Variants in RAP1GDS1 observed in about 807,000 individuals in gnomAD.
The protein encoded by RAP1GDS1 is RAP1, GTP-GDP dissociation stimulator 1.
A neutral mutation model predicts 71.1 loss-of-function variants in RAP1GDS1; 35 were observed. The ratio of observed to expected loss-of-function variants is 0.49; its 90% CI spans 0.38 to 0.65. RAP1GDS1 has a LOEUF of 0.65. Ranked by LOEUF, RAP1GDS1 falls within the 30% of genes least tolerant of loss-of-function variation. The pLI, the probability that RAP1GDS1 is intolerant of heterozygous loss-of-function variation, is 0.00. For synonymous variants in RAP1GDS1, 229 were observed against 243.1 expected, an observed-to-expected ratio of 0.94 and a Z score of 0.54; for missense variants, 663 against 706.1, an observed-to-expected ratio of 0.94 and a Z score of 0.69.
intron 4 of RAP1GDS1, among the ~76,000 whole-genome samples, chr4:98,376,623 G>T (rs980214018): frequency 4.0e-5 from 6 of 151,844 alleles, no homozygotes; most frequent in Non-Finnish European, 8.8e-5. Flanking sequence ...GTGTTTCTCA[G>T]GCTGACTTGT....
intron 2 of RAP1GDS1, among the ~76,000 whole-genome samples, chr4:98,336,019 G>C (rs986955574): frequency 1.3e-5 from 2 of 152,250 alleles, no homozygotes; most frequent in Non-Finnish European, 2.9e-5. Context: ...AAATCTTGCA[G>C]ATGCTAAATC....
At chr4:98,354,699 T>C (rs924357417) in intron 4 of RAP1GDS1, among the ~76,000 whole-genome samples, 3 of 152,192 alleles carry the variant, frequency 2.0e-5, no homozygotes, top group African/African-American at 7.2e-5. Flanking sequence ...GGATATCCTT[T>C]AAGTTATGAA....
At chr4:98,429,269 A>G (rs571046278) in intron 12 of RAP1GDS1, among the ~76,000 whole-genome samples, 159 of 151,878 alleles carry the variant, frequency 1.0e-3, no homozygotes, top group African/African-American at 2.5e-3. Context: ...AAAAAAAAAA[A>G]AAAAGAAAAG....
At chr4:98,422,353 G>A (rs1188382796) in intron 12 of RAP1GDS1, among the ~76,000 whole-genome samples, 1 of 152,044 alleles carries the variant, frequency 6.6e-6, no homozygotes, top group Non-Finnish European at 1.5e-5. Context: ...GAGTAGCTGG[G>A]ATTACAGGCA....
At chr4:98,314,726 C>T (rs1383566679) in intron 2 of RAP1GDS1, among the ~76,000 whole-genome samples, 2 of 152,036 alleles carry the variant, frequency 1.3e-5, no homozygotes, top group Non-Finnish European at 2.9e-5. Context: ...AGTTTTAATA[C>T]AGTATAATAT....
intron 4 of RAP1GDS1, among the ~76,000 whole-genome samples, chr4:98,362,307 G>A (rs1007932187): frequency 3.3e-5 from 5 of 152,012 alleles, no homozygotes; most frequent in Admixed American, 1.3e-4. Flanking sequence ...TAGCAAGATC[G>A]CATCTCTACA....
chr4:98,323,279 A>G lies in RAP1GDS1; in HGVS notation c.113-19860A>G, dbSNP rs957234154. 6.3e-4 allele frequency among the ~76,000 whole-genome samples: 93 copies of G among 147,640 alleles called. No individual in the cohort carries two copies. The Middle Eastern group carries it at 0.01, about 16-fold the overall frequency. On this transcript the variant is annotated intron_variant, in intron 2 of 14. Coordinates refer to ENST00000408927, the MANE Select transcript of RAP1GDS1 (RefSeq NM_001100427.2). The stretch of plus-strand genomic sequence containing the variant: ...AGGAGCTGAAATTGTGGCAATAATC[A>G]ATAGTTTACCAACCAAAAAGAGTCC...
chr4:98,352,463 C>T lies in RAP1GDS1; in HGVS notation c.236-13C>T, dbSNP rs1291409511. The T allele has an allele frequency of 6.2e-7, 1 of 1,610,214 alleles. No individual in the cohort carries two copies. The highest frequency in any genetic ancestry group is 2.2e-5 in the East Asian group (1 of 44,830). On this transcript the variant is annotated splice_polypyrimidine_tract_variant and intron_variant, in intron 3 of 14. Transcript: ENST00000408927. ...TCGTTAGATTTTTAATTAAACATGT[C>T]TCTTATTTTCAGAGTTTATGCGAAT...
At chr4:98,355,207 T>C (rs1251192928) in intron 4 of RAP1GDS1, among the ~76,000 whole-genome samples, 3 of 152,188 alleles carry the variant, frequency 2.0e-5, no homozygotes, top group African/African-American at 7.2e-5. Context: ...CTATTTTAAT[T>C]CATCAACCTT....
At chr4:98,264,141 C>T (rs918061482) in intron 1 of RAP1GDS1, among the ~76,000 whole-genome samples, 4 of 152,012 alleles carry the variant, frequency 2.6e-5, no homozygotes, top group East Asian at 3.9e-4. Flanking sequence ...CAGCCGGGCG[C>T]GCACTTTGGG....
chr4:98,385,415 G>A (rs1185409249), intron 5 of RAP1GDS1, among the ~76,000 whole-genome samples: 2 of 151,650 alleles, frequency 1.3e-5, no homozygotes, highest in Non-Finnish European at 3.0e-5. Context: ...AGTAAGCATT[G>A]AGCTGTTTGG....
chr4:98,352,437 A>G (rs769102977), intron 3 of RAP1GDS1, 39 bp from the exon 4 acceptor site: 9 of 1,597,780 alleles, frequency 5.6e-6, no homozygotes, highest in Non-Finnish European at 7.7e-6. Context: ...TAAATTGTGA[A>G]TCGTTAGATT....
chr4:98,402,880 A>C (rs1188590060), intron 6 of RAP1GDS1, among the ~76,000 whole-genome samples: 1 of 152,216 alleles, frequency 6.6e-6, no homozygotes, highest in Non-Finnish European at 1.5e-5. Context: ...CTTATAGTTT[A>C]GTGTGTAAGA....
intron 2 of RAP1GDS1, among the ~76,000 whole-genome samples, chr4:98,294,529 C>G (rs1312760990): frequency 6.6e-6 from 1 of 151,802 alleles, no homozygotes; most frequent in Non-Finnish European, 1.5e-5. Context: ...AGATTTGAAA[C>G]AAGGAGTTCA....
intron 2 of RAP1GDS1, among the ~76,000 whole-genome samples, chr4:98,311,855 T>C (rs142265792): frequency 1.2e-3 from 180 of 152,328 alleles, no homozygotes; most frequent in African/African-American, 3.9e-3. Flanking sequence ...TCCAGGCTGG[T>C]CTCAAACTTC....
At chr4:98,434,240 C>CT (rs1750845367) in intron 13 of RAP1GDS1, among the ~76,000 whole-genome samples, 178 bp downstream of exon 13, 1 of 152,136 alleles carries the variant, frequency 6.6e-6, no homozygotes, top group African/African-American at 2.4e-5. Flanking sequence ...TCCCCTTTGG[C>CT]TGTGTTTTTG....
chr4:98,296,228 C>T (rs912880971), intron 2 of RAP1GDS1, among the ~76,000 whole-genome samples: 1 of 152,042 alleles, frequency 6.6e-6, no homozygotes, highest in African/African-American at 2.4e-5. Flanking sequence ...TTTTATTTTA[C>T]AGTCTATTAC....
intron 1 of RAP1GDS1, among the ~76,000 whole-genome samples, chr4:98,281,404 C>G (rs942231576): frequency 6.6e-6 from 1 of 151,966 alleles, no homozygotes; most frequent in African/African-American, 2.4e-5. Flanking sequence ...CATGATTTGG[C>G]TGTTTGTCTG....
chr4:98,265,879 C>G (rs996412862), intron 1 of RAP1GDS1, among the ~76,000 whole-genome samples: 1 of 151,886 alleles, frequency 6.6e-6, no homozygotes, highest in Non-Finnish European at 1.5e-5. Flanking sequence ...TAGGATATTA[C>G]CCAGTATATT....
Sources: gnomAD v4.1 joint callset for allele counts (sites outside exome capture counted in the v4.1 genomes callset) on GRCh38, gnomAD v4.1.1 for gene constraint, MANE v1.5 for transcripts, NCBI Gene and HGNC (gene_info 2026-07-23, HGNC 2026-07-21) for gene names.